EIF4G3: variants seen among roughly 807,000 people sequenced by gnomAD.
EIF4G3 encodes the protein eukaryotic translation initiation factor 4 gamma 3, also known as eIF-4-gamma 3.
A neutral mutation model predicts 186.4 loss-of-function variants in EIF4G3; 34 were observed. That is an observed-to-expected ratio of 0.18 (90% CI 0.14 to 0.24). The LOEUF (loss-of-function observed/expected upper bound fraction) is 0.24. Among genes scored for constraint, EIF4G3 ranks in the 10% least tolerant of loss-of-function variants. The pLI is 1.00. For synonymous variants in EIF4G3, 673 were observed against 679.5 expected (o/e 0.99, Z 0.15); for missense variants, 1,536 against 1,948.5 (o/e 0.79, Z 3.99).
chr1:20,873,700 T>C (rs182691065), intron 20 of EIF4G3, among the ~76,000 whole-genome samples: 7 of 146,690 alleles, frequency 4.8e-5, no homozygotes, highest in East Asian at 2.1e-4. Context: ...ATGAATAACA[T>C]TGAATGTCTT....
chr1:20,891,066 T>C (rs1356783862), intron 18 of EIF4G3, among the ~76,000 whole-genome samples: 1 of 152,230 alleles, frequency 6.6e-6, no homozygotes, highest in Non-Finnish European at 1.5e-5. Flanking sequence ...TTACTTTGAG[T>C]GTACCAGAAT....
Position 20,827,667 on chromosome 1 carries a change from T to C in EIF4G3, c.4219A>G (p.Arg1407Gly). 1 of 1,612,572 alleles carries C rather than the reference T, an allele frequency of 6.2e-7. No homozygotes were observed. The highest frequency in any genetic ancestry group is 2.2e-5 in the East Asian group (1 of 44,854). ...EFSKPLLPVG[R>G]AGVLLSEILH... Reference sequence around the variant, plus strand: ...ATTTCAGATAGCAAGACCCCAGCTCTTCCAACAGGAAGTAAAGGTTTGCTA... The same window carrying C: ...ATTTCAGATAGCAAGACCCCAGCTCCTCCAACAGGAAGTAAAGGTTTGCTA... The change falls in exon 32 of 37, where the codon AGA becomes GGA. Residue 1407 changes from arginine to glycine, a missense_variant. Coordinates refer to ENST00000602326, the MANE Select transcript of EIF4G3 (RefSeq NM_001391906.1).
chr1:20,892,032 A>G (rs766161941), intron 18 of EIF4G3, among the ~76,000 whole-genome samples: 1 of 152,200 alleles, frequency 6.6e-6, no homozygotes, highest in Non-Finnish European at 1.5e-5. Context: ...AACACACTGT[A>G]GGCATTCAAG....
At chr1:20,838,787 C>T (rs2067533842) in intron 30 of EIF4G3, among the ~76,000 whole-genome samples, 1 of 152,102 alleles carries the variant, frequency 6.6e-6, no homozygotes, top group Non-Finnish European at 1.5e-5. Context: ...TGCAATCCTT[C>T]TGCCTCAACC....
intron 13 of EIF4G3, among the ~76,000 whole-genome samples, chr1:20,947,331 G>A (rs1165950393): frequency 1.3e-5 from 2 of 149,240 alleles, no homozygotes; most frequent in Non-Finnish European, 3.0e-5. Flanking sequence ...GTGATAGAAC[G>A]AAACCCTGTC....
At chr1:20,934,386 AT>A (rs1462900803) in intron 14 of EIF4G3, among the ~76,000 whole-genome samples, 9 of 152,188 alleles carry the variant, frequency 5.9e-5, no homozygotes, top group African/African-American at 1.9e-4. Context: ...CGTCTCTGGC[AT>A]GAGACAGACA....
chr1:21,157,306 G>A (rs1234085117), intron 2 of EIF4G3, among the ~76,000 whole-genome samples: 2 of 151,772 alleles, frequency 1.3e-5, no homozygotes, highest in East Asian at 3.9e-4. Flanking sequence ...AGTCCTCACT[G>A]ACTTTCAAGG....
chr1:20,967,733 A>AT (rs1415050328), intron 12 of EIF4G3, among the ~76,000 whole-genome samples: 2 of 152,202 alleles, frequency 1.3e-5, no homozygotes, highest in African/African-American at 4.8e-5. Flanking sequence ...TGTGATTTTG[A>AT]TATTTAAGAA....
chr1:21,150,402 G>A (rs1263669818), intron 2 of EIF4G3, among the ~76,000 whole-genome samples: 1 of 152,056 alleles, frequency 6.6e-6, no homozygotes, highest in African/African-American at 2.4e-5. Flanking sequence ...CATTTTTCAT[G>A]GCGTCATGAA....
intron 6 of EIF4G3, among the ~76,000 whole-genome samples, chr1:20,998,211 TTACACACACACACA>T (rs1171115429): frequency 1.8e-5 from 1 of 56,938 alleles, no homozygotes; most frequent in East Asian, 5.4e-4. Context: ...TTTTATGACT[TTACACACACACACA>T]CACACACACA....
chr1:21,175,802 C>T (rs2098089602), intron 2 of EIF4G3: 1 of 153,688 alleles, frequency 6.5e-6, no homozygotes, highest in African/African-American at 2.4e-5. Context: ...GGGTGTAATC[C>T]TCACAACAAC....
intron 20 of EIF4G3, among the ~76,000 whole-genome samples, chr1:20,878,078 G>C (rs573790362): frequency 6.6e-6 from 1 of 152,182 alleles, no homozygotes; most frequent in African/African-American, 2.4e-5. Flanking sequence ...TGTTGCCCAG[G>C]CTGGTCTCAA....
chr1:21,092,753 T>C (rs1028004238), intron 2 of EIF4G3, among the ~76,000 whole-genome samples: 1 of 152,060 alleles, frequency 6.6e-6, no homozygotes, highest in Non-Finnish European at 1.5e-5. Context: ...AAAACAGAGA[T>C]ATAGACCAAC....
chr1:20,864,917 A>G (rs1367741538), intron 21 of EIF4G3, among the ~76,000 whole-genome samples, 199 bp downstream of exon 21: 1 of 152,148 alleles, frequency 6.6e-6, no homozygotes, highest in Non-Finnish European at 1.5e-5. Context: ...GCTGGCATGG[A>G]AAATTTAGCT....
chr1:20,997,377 G>C (rs2082521199), intron 7 of EIF4G3, among the ~76,000 whole-genome samples: 2 of 151,878 alleles, frequency 1.3e-5, no homozygotes, highest in African/African-American at 2.4e-5. Flanking sequence ...AAAAACTGTA[G>C]CATTTTTTAA....
chr1:20,987,246 C>T (rs931375808), intron 7 of EIF4G3, among the ~76,000 whole-genome samples: 4 of 152,160 alleles, frequency 2.6e-5, no homozygotes, highest in African/African-American at 9.7e-5. Flanking sequence ...GACAAAAACA[C>T]CTCTAACAAA....
At chr1:20,950,874 G>A (rs534137995) in intron 12 of EIF4G3, among the ~76,000 whole-genome samples, 1 of 152,268 alleles carries the variant, frequency 6.6e-6, no homozygotes, top group South Asian at 2.1e-4. Flanking sequence ...TTACACAAGA[G>A]AGGACATGAA....
At chr1:20,872,503 CTTGT>C (rs1463682843) in intron 20 of EIF4G3, among the ~76,000 whole-genome samples, 2 of 152,086 alleles carry the variant, frequency 1.3e-5, no homozygotes, top group African/African-American at 4.8e-5. Flanking sequence ...CACTCTATTG[CTTGT>C]TTTTGTTTCA....
At chr1:21,153,029 T>A (rs2097576855) in intron 2 of EIF4G3, among the ~76,000 whole-genome samples, 1 of 152,162 alleles carries the variant, frequency 6.6e-6, no homozygotes, top group South Asian at 2.1e-4. Flanking sequence ...ACAAAATGAT[T>A]CCTAAATGCT....
Sources: gnomAD v4.1 joint callset for allele counts (sites outside exome capture counted in the v4.1 genomes callset) on GRCh38, gnomAD v4.1.1 for gene constraint, MANE v1.5 for transcripts, NCBI Gene and HGNC (gene_info 2026-07-23, HGNC 2026-07-21) for gene names.